The following SLC36A1 variants were observed in gnomAD, a reference collection of about 807,000 sequenced individuals.
SLC36A1 encodes the protein proton-coupled amino acid transporter 1.
Under a neutral mutation model 47.5 loss-of-function variants are expected in SLC36A1, and 30 were observed. The ratio of observed to expected loss-of-function variants is 0.63; its 90% CI spans 0.47 to 0.86. SLC36A1 has a LOEUF of 0.86. SLC36A1 is among the 40% of genes least tolerant of loss of function. SLC36A1 has a pLI of 0.00. For synonymous variants in SLC36A1, 255 were observed against 249.7 expected, an observed-to-expected ratio of 1.02 and a Z score of -0.20; for missense variants, 517 against 606.0, an observed-to-expected ratio of 0.85 and a Z score of 1.54.
chr5:151,416,831 C>T, the SLC36A1 span, among the ~76,000 whole-genome samples: 1 of 152,182 alleles, frequency 6.6e-6, no homozygotes, highest in Admixed American at 6.5e-5. Flanking sequence ...CCCCACATGT[C>T]AAAGGAGAGA....
At chr5:151,509,374 A>G in the SLC36A1 span, 111,153 of 152,112 alleles carry the variant, frequency 0.73, 40,921 homozygotes, top group East Asian at 0.96. Flanking sequence ...AGAGAGAGAC[A>G]CCCTAACACA....
At chr5:151,433,901 G>GA (rs954352687), upstream of SLC36A1, among the ~76,000 whole-genome samples, 1 of 150,842 alleles carries the variant, frequency 6.6e-6, no homozygotes, top group African/African-American at 2.4e-5. Flanking sequence ...AAGGGACTTG[G>GA]AAAAAAAGTG....
the SLC36A1 span, among the ~76,000 whole-genome samples, chr5:151,421,174 C>CTCCTTCCT: frequency 0.09 from 12,533 of 138,716 alleles, 783 homozygotes; most frequent in East Asian, 0.17. Context: ...CGCCCTTTCT[C>CTCCTTCCT]TCCTTCCTTC....
chr5:151,395,924 C>G, the SLC36A1 span, among the ~76,000 whole-genome samples: 2 of 152,072 alleles, frequency 1.3e-5, no homozygotes, highest in African/African-American at 4.8e-5. Context: ...ATTCTCATGC[C>G]TCAGCCTTCT....
chr5:151,361,049 C>T, the SLC36A1 span, among the ~76,000 whole-genome samples: 1 of 152,162 alleles, frequency 6.6e-6, no homozygotes, highest in African/African-American at 2.4e-5. Flanking sequence ...ATGTTATGTA[C>T]AACATCTAGG....
At chr5:151,544,286 T>C in the SLC36A1 span, 1 of 1,614,218 alleles carries the variant, frequency 6.2e-7, no homozygotes, top group Non-Finnish European at 8.5e-7. Context: ...CCTTCTGAGA[T>C]GGAAGTGGTA....
At chr5:151,362,946 C>T in the SLC36A1 span, among the ~76,000 whole-genome samples, 1 of 152,140 alleles carries the variant, frequency 6.6e-6, no homozygotes, top group Non-Finnish European at 1.5e-5. Flanking sequence ...TGGTTCCTTG[C>T]TTTGTCTGTT....
At chr5:151,532,381 G>A in the SLC36A1 span, among the ~76,000 whole-genome samples, 17 of 99,112 alleles carry the variant, frequency 1.7e-4, no homozygotes, top group East Asian at 1.1e-3. Flanking sequence ...CTAAGTGTGC[G>A]TGTACAAACA....
the SLC36A1 span, among the ~76,000 whole-genome samples, chr5:151,345,911 C>G: frequency 5.9e-5 from 9 of 152,156 alleles, no homozygotes; most frequent in East Asian, 1.7e-3. Flanking sequence ...TCAAATCTCC[C>G]AGGAGGAGAG....
At chr5:151,534,584 A>C in the SLC36A1 span, 4 of 1,614,078 alleles carry the variant, frequency 2.5e-6, no homozygotes, top group East Asian at 2.2e-5. Context: ...TCGCCTTGGC[A>C]ACAAGGTTGA....
chr5:151,476,444 T>C, intron 8 of SLC36A1, 146 bp from the exon 9 acceptor site: 1 of 620,384 alleles, frequency 1.6e-6, no homozygotes, highest in Non-Finnish European at 2.7e-6. Context: ...TAACGTCTGA[T>C]GAAATAACTT....
the SLC36A1 span, chr5:151,505,232 C>T: frequency 0.16 from 65,036 of 412,610 alleles, 6,152 homozygotes; most frequent in Non-Finnish European, 0.2. Flanking sequence ...CAATCAGGCT[C>T]TGCCCCGGGG....
At chr5:151,370,346 T>G in the SLC36A1 span, among the ~76,000 whole-genome samples, 5 of 152,214 alleles carry the variant, frequency 3.3e-5, no homozygotes, top group Non-Finnish European at 7.3e-5. Flanking sequence ...TATTATTGTG[T>G]TGTTGTTGTA....
At chr5:151,554,276 G>A in the SLC36A1 span, 2 of 1,239,594 alleles carry the variant, frequency 1.6e-6, no homozygotes, top group Admixed American at 4.5e-5. Flanking sequence ...TATGCTGGTG[G>A]GCTGTCTCCC....
chr5:151,513,933 A>G, the SLC36A1 span, among the ~76,000 whole-genome samples: 3 of 152,306 alleles, frequency 2.0e-5, 1 homozygote, highest in African/African-American at 7.2e-5. Flanking sequence ...CAAGAGTGTA[A>G]AAAGTCCTGA....
chr5:151,440,827 A>G (rs1752581991), intron 1 of SLC36A1, among the ~76,000 whole-genome samples: 1 of 152,062 alleles, frequency 6.6e-6, no homozygotes, highest in South Asian at 2.1e-4. Flanking sequence ...AAATAAGGGG[A>G]AAAAAACCTT....
At chr5:151,551,829 AATTG>A in the SLC36A1 span, among the ~76,000 whole-genome samples, 2 of 152,230 alleles carry the variant, frequency 1.3e-5, no homozygotes, top group Non-Finnish European at 2.9e-5. Flanking sequence ...TAATAAATCA[AATTG>A]ATTAATAAAC....
Position 151,463,533 on chromosome 5 carries a change from T to C in SLC36A1, c.144-20T>C, listed in dbSNP as rs375541511. The C allele has an allele frequency of 4.5e-5, 71 of 1,580,246 alleles. No homozygotes were observed. Among genetic ancestry groups the C allele is most frequent in the Non-Finnish European group, 6.0e-5 (69 of 1,149,184 alleles). On this transcript the variant is annotated intron_variant, in intron 2 of 10. Coordinates refer to ENST00000243389, the MANE Select transcript of SLC36A1 (RefSeq NM_078483.4). Reference sequence around the variant, plus strand: ...GTTAACTGTCATGGTTATCATTTCCTTGGCTGTCTTCCACTTCAGATGGTT... The same window carrying C: ...GTTAACTGTCATGGTTATCATTTCCCTGGCTGTCTTCCACTTCAGATGGTT...
At chr5:151,493,899 T>C (rs759336380), downstream of SLC36A1, among the ~76,000 whole-genome samples, 1 of 152,186 alleles carries the variant, frequency 6.6e-6, no homozygotes, top group Non-Finnish European at 1.5e-5. Context: ...TTCTGAAATA[T>C]TAGCTGACTT....
Sources: allele counts gnomAD v4.1 joint callset (sites outside exome capture counted in the v4.1 genomes callset), GRCh38; gene constraint gnomAD v4.1.1; transcripts MANE v1.5; gene names NCBI Gene and HGNC (gene_info 2026-07-23, HGNC 2026-07-21).